ANXA11: variants seen among roughly 807,000 people sequenced by gnomAD.
ANXA11 encodes 56 kDa autoantigen.
In ANXA11, 57 loss-of-function variants were observed where a neutral mutation model predicts 64.7. The observed-to-expected ratio is 0.88, with a 90% CI of 0.71 to 1.10. The LOEUF is 1.10. ANXA11 is among the 50% of genes least tolerant of loss of function. The pLI, the probability that ANXA11 is intolerant of heterozygous loss-of-function variation, is 0.00. For synonymous variants in ANXA11, 260 were observed against 265.2 expected (o/e 0.98, Z 0.19); for missense variants, 675 against 670.7 (o/e 1.01, Z -0.07).
rs1463317270 is a variant in ANXA11, at chr10:80,166,973, G to C, written c.661C>G (p.Gln221Glu). Residue 221 changes from glutamine to glutamate, a missense_variant, in exon 7 of 16, where the codon CAG becomes GAG. Physicochemically the swap from Gln to Glu is conservative, Grantham distance 29 (BLOSUM62 2). Coordinates refer to ENST00000422982, the MANE Select transcript of ANXA11 (RefSeq NM_145868.2). ...CTCCCCAGGCAGTCAATGATGGCCT[G>C]CTCATCCGTCCCTGGAGGAAGAGGC... ...KAMKGFGTDEQAIIDCLGSRS... is the reference protein window; with the variant it reads ...KAMKGFGTDEEAIIDCLGSRS... The C allele has an allele frequency of 6.2e-7, 1 of 1,601,150 alleles. No homozygotes were observed. Among genetic ancestry groups the C allele is most frequent in the Non-Finnish European group, 8.5e-7 (1 of 1,174,838 alleles).
At chr10:80,191,010 G>GA (rs951054045) in intron 1 of ANXA11, among the ~76,000 whole-genome samples, 6 of 152,014 alleles carry the variant, frequency 3.9e-5, no homozygotes, top group Non-Finnish European at 8.8e-5. Flanking sequence ...CGGATCACCT[G>GA]AGGTCAGGAG....
At chr10:80,166,405 C>A in intron 7 of ANXA11, 1 of 537,886 alleles carries the variant, frequency 1.9e-6, no homozygotes, top group African/African-American at 1.9e-5. Context: ...CCCAGGGGAT[C>A]GGTGACACAA....
intron 1 of ANXA11, among the ~76,000 whole-genome samples, chr10:80,190,328 A>G (rs1846717724): frequency 6.6e-6 from 1 of 152,220 alleles, no homozygotes; most frequent in South Asian, 2.1e-4. Context: ...AGTTTGTGGT[A>G]ATTTGTTACA....
intron 1 of ANXA11, among the ~76,000 whole-genome samples, chr10:80,197,432 G>A (rs747119211): frequency 1.8e-4 from 28 of 152,164 alleles, no homozygotes; most frequent in African/African-American, 6.8e-4. Flanking sequence ...CCCTCCCTAT[G>A]TGTGATGACA....
Position 80,153,506 on chromosome 10 carries a change from G to A in ANXA11, c.*2347C>T, listed in dbSNP as rs940059775. Reference sequence around the variant, plus strand: ...GGGCAAGGTAATGTCACAGAATATGGTCACATCAGAGCACATTGGTTCTAG... The same window carrying A: ...GGGCAAGGTAATGTCACAGAATATGATCACATCAGAGCACATTGGTTCTAG... On this transcript the variant is annotated 3_prime_UTR_variant, in exon 16 of 16. Coordinates refer to ENST00000422982, the MANE Select transcript of ANXA11 (RefSeq NM_145868.2). 6.6e-6 allele frequency: 1 copy of A among 152,228 alleles called. No homozygotes were observed. The highest frequency in any genetic ancestry group is 1.5e-5 in the Non-Finnish European group (1 of 68,056). The allele number at this position is 152,228 out of a possible 1,614,324, so 9.4% of individuals were successfully genotyped here.
intron 12 of ANXA11, among the ~76,000 whole-genome samples, chr10:80,160,027 T>C (rs1589415801): frequency 6.6e-6 from 1 of 152,102 alleles, no homozygotes; most frequent in African/African-American, 2.4e-5. Context: ...GAGAGACAGG[T>C]GGCATGATGG....
In ANXA11 at chr10:80,203,976, G is replaced by C. The variant is rs1016974917; in HGVS notation, c.-58+1367C>G. Among the ~76,000 whole-genome samples the C allele has an allele frequency of 1.3e-5, 2 of 152,196 alleles. 1 individual carries two copies. Among genetic ancestry groups the C allele is most frequent in the Non-Finnish European group, 2.9e-5 (2 of 68,044 alleles). On this transcript the variant is annotated intron_variant, in intron 1 of 15. Transcript: ENST00000422982. Reference sequence around the variant, plus strand: ...GCCTCACACACTTTATGGCTAATGTGGGTGACACCCATCTGGGATACACAA... The same window carrying C: ...GCCTCACACACTTTATGGCTAATGTCGGTGACACCCATCTGGGATACACAA...
Position 80,157,721 on chromosome 10 carries a change from A to T in ANXA11, c.1378T>A (p.Ser460Thr). 1 of 1,613,858 alleles carries T rather than the reference A, an allele frequency of 6.2e-7. No homozygotes were observed. The highest frequency in any genetic ancestry group is 1.7e-4 in the Middle Eastern group (1 of 6,060). Residue 460 changes from serine to threonine, a missense_variant, in exon 15 of 16, where the codon TCT (serine) becomes ACT (threonine). Physicochemically the swap from Ser to Thr is moderately conservative, Grantham distance 58. Transcript: ENST00000422982. ...TCCAGGAGGTCGGTCTCGCTGCGAG[A>T]CACCATGATGCGAATCAGGGTCCGG... ...KDRTLIRIMV[S>T]RSETDLLDIR...
chr10:80,158,456 C>A (rs1409799109), intron 13 of ANXA11, among the ~76,000 whole-genome samples: 1 of 152,120 alleles, frequency 6.6e-6, no homozygotes, highest in African/African-American at 2.4e-5. Context: ...GCCATGAGAC[C>A]TACTATGGGG....
intron 1 of ANXA11, among the ~76,000 whole-genome samples, chr10:80,204,624 C>T (rs1015246355): frequency 5.3e-5 from 8 of 152,216 alleles, no homozygotes; most frequent in African/African-American, 1.9e-4. Flanking sequence ...TCCAAAGTCT[C>T]TAGGTAACAA....
intron 4 of ANXA11, among the ~76,000 whole-genome samples, chr10:80,169,756 G>A (rs1045406972): frequency 3.3e-5 from 5 of 152,172 alleles, no homozygotes; most frequent in African/African-American, 1.2e-4. Context: ...GCATGTTCAG[G>A]TGAATCTGCA....
intron 12 of ANXA11, 85 bp downstream of exon 12, chr10:80,161,850 C>T (rs183323208): frequency 2.5e-6 from 3 of 1,224,480 alleles, no homozygotes; most frequent in Admixed American, 3.5e-5. Flanking sequence ...GGAGGAACGA[C>T]CAAGTGTTCC....
At chr10:80,170,724 A>G in intron 4 of ANXA11, 76 bp downstream of exon 4, 1 of 1,202,726 alleles carries the variant, frequency 8.3e-7, no homozygotes, top group Non-Finnish European at 1.1e-6. Flanking sequence ...CTGGAGCCCC[A>G]GAGGCCAGCA....
At position 80,172,824 on chromosome 10, in the gene ANXA11, T is replaced by C. The variant is rs775496121; in HGVS notation, c.38A>G (p.Tyr13Cys). 5.6e-6 allele frequency: 9 copies of C among 1,613,938 alleles called. No individual in the cohort carries two copies. Among genetic ancestry groups the C allele is most frequent in the Non-Finnish European group, 7.6e-6 (9 of 1,179,928 alleles). Residue 13 changes from tyrosine to cysteine, a missense_variant, in exon 3 of 16, where the codon TAC (tyrosine) becomes TGC (cysteine). Transcript: ENST00000422982. ...YPGYPPPPGG[Y>C]PPAAPGGGPW... ...CCTCTTACCTGGTGCAGCTGGTGGG[T>C]AGCCACCTGGGGGCGGGGGATAGCC...
rs1305559152 is a variant in ANXA11 at position 80,166,960 on chromosome 10, T to A, written c.674A>T (p.Asp225Val). 1 of 1,606,594 alleles carries A rather than the reference T, an allele frequency of 6.2e-7. No homozygotes were observed. The highest frequency in any genetic ancestry group is 8.5e-7 in the Non-Finnish European group (1 of 1,177,206). The change falls in exon 7 of 16, where the codon GAC becomes GTC. Residue 225 changes from aspartate to valine, a missense_variant. Physicochemically the swap from Asp to Val is radical, Grantham distance 152 (BLOSUM62 -3). Transcript: ENST00000422982. ...GFGTDEQAII[D>V]CLGSRSNKQR... is the part of the protein sequence containing the mutation. ...CTTGTTGGAGCGACTCCCCAGGCAG[T>A]CAATGATGGCCTGCTCATCCGTCCC...
chr10:80,181,801 G>A (rs570369202), intron 1 of ANXA11, among the ~76,000 whole-genome samples: 3 of 152,214 alleles, frequency 2.0e-5, no homozygotes, highest in African/African-American at 7.2e-5. Flanking sequence ...TGCTGGTGAG[G>A]ATACAGAGCA....
chr10:80,157,856 G>C, intron 14 of ANXA11, 93 bp from the exon 15 acceptor site: 1 of 1,585,356 alleles, frequency 6.3e-7, no homozygotes, highest in South Asian at 1.1e-5. Flanking sequence ...CCAGGTCCTC[G>C]GAACTCTCAG....
chr10:80,166,042 GCACACACA>G (rs56904277), intron 8 of ANXA11, 34 bp downstream of exon 8: 47 of 451,794 alleles, frequency 1.0e-4, no homozygotes, highest in South Asian at 3.7e-4. Context: ...ACACACGCGC[GCACACACA>G]CACACACACA....
In ANXA11 at chr10:80,162,307, G is replaced by A. The variant is rs146421282; in HGVS notation, c.1087-279C>T. 2.8e-4 allele frequency among the ~76,000 whole-genome samples: 43 copies of A among 152,316 alleles called. 2 individuals are homozygous for A. In the East Asian group the frequency reaches 6.0e-3, roughly 21 times the overall value. ...CAGAGCATGAGACAATTTTTGCCCC[G>A]CTAAAAGTGGCATGCAAAACTCTCG... On this transcript the variant is annotated intron_variant, in intron 11 of 15. Coordinates refer to ENST00000422982, the MANE Select transcript of ANXA11 (RefSeq NM_145868.2).
Sources: gnomAD v4.1 joint callset for allele counts (sites outside exome capture counted in the v4.1 genomes callset) on GRCh38, gnomAD v4.1.1 for gene constraint, MANE v1.5 for transcripts, NCBI Gene and HGNC (gene_info 2026-07-23, HGNC 2026-07-21) for gene names.